SPATA18: variants seen among roughly 807,000 people sequenced by gnomAD.
The protein encoded by SPATA18 is mitochondria-eating protein.
In SPATA18, 54 loss-of-function variants were observed where a neutral mutation model predicts 68.1. The observed-to-expected ratio is 0.79, with a 90% CI of 0.64 to 0.99. The LOEUF is 0.99. SPATA18 is among the 50% of genes least tolerant of loss of function. SPATA18 has a pLI of 0.00. For missense variants in SPATA18, 724 were observed against 681.1 expected, an observed-to-expected ratio of 1.06 and a Z score of -0.70; for synonymous variants, 242 against 244.8, an observed-to-expected ratio of 0.99 and a Z score of 0.11.
chr4:52,060,328 C>T, intron 1 of SPATA18, 91 bp from the exon 2 acceptor site: 1 of 949,012 alleles, frequency 1.1e-6, no homozygotes, highest in South Asian at 1.6e-5. Context: ...CAGAGCCAGG[C>T]AGCTCGTGGG....
intron 6 of SPATA18, 135 bp from the exon 7 acceptor site, chr4:52,076,644 G>C: frequency 8.6e-7 from 1 of 1,167,636 alleles, no homozygotes; most frequent in South Asian, 1.5e-5. Context: ...TAATAGGGAA[G>C]TCTAATCACT....
chr4:52,068,730 A>G (rs547018889), intron 4 of SPATA18, among the ~76,000 whole-genome samples: 2 of 152,350 alleles, frequency 1.3e-5, no homozygotes, highest in South Asian at 4.1e-4. Flanking sequence ...CAATTGCACT[A>G]TCTTAGCCTC....
In SPATA18 at chr4:52,085,018, AT is replaced by A; in HGVS notation, c.1563+24del. The A allele has an allele frequency of 6.4e-7, 1 of 1,568,788 alleles. No homozygotes were observed. The highest frequency in any genetic ancestry group is 8.7e-7 in the Non-Finnish European group (1 of 1,155,422). ...AAACACGGTACATATCTATCTAATC[AT>A]TTTTACACAAAATTCATCTATGGTT... On this transcript the variant is annotated intron_variant, in intron 11 of 12. Transcript: ENST00000295213.
At chr4:52,094,404 T>C (rs1190614444) in intron 11 of SPATA18, 123 bp from the exon 12 acceptor site, 4 of 778,766 alleles carry the variant, frequency 5.1e-6, no homozygotes, top group Non-Finnish European at 8.6e-6. Context: ...TGAAAAATCA[T>C]AGTGCTAAAG....
At chr4:52,087,811 T>A (rs1185732209) in intron 11 of SPATA18, among the ~76,000 whole-genome samples, 1 of 152,160 alleles carries the variant, frequency 6.6e-6, no homozygotes, top group African/African-American at 2.4e-5. Flanking sequence ...GTGAAGAAAG[T>A]CAGTGGTAGC....
chr4:52,082,299 A>T, intron 9 of SPATA18, 88 bp from the exon 10 acceptor site: 1 of 1,260,632 alleles, frequency 7.9e-7, no homozygotes, highest in Non-Finnish European at 1.1e-6. Flanking sequence ...TGAGCATAAT[A>T]CAAAATGAGA....
chr4:52,095,072 A>G lies in SPATA18; in HGVS notation c.*185A>G. 4 of 625,666 alleles carry G rather than the reference A, an allele frequency of 6.4e-6. No homozygotes were observed. The South Asian group carries it at 8.2e-5, about 13-fold the overall frequency. The allele number at this position is 625,666 out of a possible 1,614,324, so 38.8% of individuals were successfully genotyped here. On this transcript the variant is annotated 3_prime_UTR_variant, in exon 13 of 13. Transcript: ENST00000295213. ...GCATTTGTAACTTTAGATATATTGC[A>G]TTCTATTTTATTTTATAGATACTAA...
intron 4 of SPATA18, among the ~76,000 whole-genome samples, chr4:52,067,031 T>C (rs1209749664): frequency 6.6e-6 from 1 of 152,228 alleles, no homozygotes; most frequent in African/African-American, 2.4e-5. Flanking sequence ...ATGGGATTGC[T>C]GGGTCAAATG....
intron 11 of SPATA18, among the ~76,000 whole-genome samples, chr4:52,094,014 T>C (rs561677486): frequency 1.1e-4 from 16 of 152,226 alleles, no homozygotes; most frequent in Non-Finnish European, 2.2e-4. Context: ...TTATCTAGAG[T>C]GTTTGAAAGC....
chr4:52,092,234 G>A (rs1363800111), intron 11 of SPATA18, among the ~76,000 whole-genome samples: 1 of 151,658 alleles, frequency 6.6e-6, no homozygotes, highest in Non-Finnish European at 1.5e-5. Context: ...TTTTGCTGGT[G>A]TTCCAGGCGC....
At position 52,060,768 on chromosome 4, in the gene SPATA18, A is replaced by T; in HGVS notation, c.194-14A>T. 6.2e-7 allele frequency: 1 copy of T among 1,611,786 alleles called. No homozygotes were observed. The highest frequency in any genetic ancestry group is 8.5e-7 in the Non-Finnish European group (1 of 1,178,114). ...GGTGTGCTGCACCCATTAACTCGTCATTTAACATTTTAGGAGGACGTAATG... is the reference window on the plus strand; with the variant it reads ...GGTGTGCTGCACCCATTAACTCGTCTTTTAACATTTTAGGAGGACGTAATG... On this transcript the variant is annotated splice_polypyrimidine_tract_variant and intron_variant, in intron 2 of 12. Transcript: ENST00000295213.
chr4:52,068,872 T>G (rs2109446326), intron 4 of SPATA18, among the ~76,000 whole-genome samples: 1 of 151,252 alleles, frequency 6.6e-6, no homozygotes, highest in East Asian at 1.9e-4. Context: ...TCACTTCCAT[T>G]TTTTTTTTGG....
rs1486546786 is a variant in SPATA18 at position 52,078,749 on chromosome 4, A to G, written c.1035A>G (p.Val345=). The stretch of plus-strand genomic sequence containing the variant: ...TTTATGTGCAGGAGGCATTCCATGT[A>G]GCAAAAATGGCATTCAGACACTTCA... The part of the protein sequence containing the change: ...IYIATVEAFH[V]AKMAFRHFKI... The change falls in exon 8 of 13, where the codon GTA becomes GTG. Residue 345 remains valine (V), a synonymous_variant. Transcript: ENST00000295213. 1 of 1,581,162 alleles carries G rather than the reference A, an allele frequency of 6.3e-7. No individual in the cohort carries two copies.
intron 11 of SPATA18, among the ~76,000 whole-genome samples, chr4:52,086,127 A>G (rs1246438075): frequency 1.3e-5 from 2 of 152,164 alleles, no homozygotes; most frequent in East Asian, 3.9e-4. Flanking sequence ...AAGGAGAATC[A>G]CATCCGGCAA....
At chr4:52,093,061 G>T (rs192519468) in intron 11 of SPATA18, among the ~76,000 whole-genome samples, 1 of 152,198 alleles carries the variant, frequency 6.6e-6, no homozygotes, top group African/African-American at 2.4e-5. Flanking sequence ...ATACCCAGGT[G>T]ATGAAAATCT....
At position 52,074,426 on chromosome 4, in the gene SPATA18, T is replaced by C. The variant is rs375921207; in HGVS notation, c.758+2270T>C. On this transcript the variant is annotated intron_variant, in intron 6 of 12. Coordinates refer to ENST00000295213, the MANE Select transcript of SPATA18 (RefSeq NM_145263.4). Reference sequence around the variant, plus strand: ...CATATGAGAGGAAAAGTCATGGTAATGTCCCAGCTGGTTGGGTGAGTGGGG... The same window carrying C: ...CATATGAGAGGAAAAGTCATGGTAACGTCCCAGCTGGTTGGGTGAGTGGGG... 2.0e-5 allele frequency among the ~76,000 whole-genome samples: 3 copies of C among 152,158 alleles called. 1 individual carries two copies. The East Asian group carries it at 5.8e-4, about 29-fold the overall frequency.
At chr4:52,056,068 T>C (rs895152828) in intron 1 of SPATA18, among the ~76,000 whole-genome samples, 9 of 152,190 alleles carry the variant, frequency 5.9e-5, no homozygotes, top group Admixed American at 5.9e-4. Context: ...ATTGCTCTTG[T>C]TTTGTTTTTT....
chr4:52,077,180 C>T (rs1740452597), intron 7 of SPATA18, 140 bp downstream of exon 7: 2 of 899,778 alleles, frequency 2.2e-6, no homozygotes, highest in Non-Finnish European at 3.3e-6. Context: ...CATCTGTCTC[C>T]TTCCTTCTCT....
intron 6 of SPATA18, among the ~76,000 whole-genome samples, chr4:52,073,986 C>T (rs7434485): frequency 0.13 from 19,682 of 152,188 alleles, 1,497 homozygotes; most frequent in South Asian, 0.27. Flanking sequence ...TAGACTTGCA[C>T]CAGTATTTGC....
Sources: gnomAD v4.1 joint callset for allele counts (sites outside exome capture counted in the v4.1 genomes callset) on GRCh38, gnomAD v4.1.1 for gene constraint, MANE v1.5 for transcripts, NCBI Gene and HGNC (gene_info 2026-07-23, HGNC 2026-07-21) for gene names.